The following LAMA3 variants were observed in gnomAD, a reference collection of about 807,000 sequenced individuals.
LAMA3 encodes laminin subunit alpha-3.
Under a neutral mutation model 402.0 loss-of-function variants are expected in LAMA3, and 281 were observed. The ratio of observed to expected loss-of-function variants is 0.70; its 90% CI spans 0.63 to 0.77. LAMA3 has a LOEUF of 0.77. LAMA3 is among the 30% of genes least tolerant of loss of function. The probability of loss-of-function intolerance (pLI) is 0.00; values close to 1 mark genes in which losing one functional copy is unlikely to be tolerated. For missense variants in LAMA3, 3,840 were observed against 4,215.5 expected (o/e 0.91, Z 2.47); for synonymous variants, 1,431 against 1,558.4 (o/e 0.92, Z 1.93).
At chr18:23,844,168 G>A (rs2063763980) in intron 29 of LAMA3, among the ~76,000 whole-genome samples, 1 of 152,198 alleles carries the variant, frequency 6.6e-6, no homozygotes, top group African/African-American at 2.4e-5. Flanking sequence ...TATCATGAGA[G>A]TAATAAGCTC....
chr18:23,713,891 A>C (rs1017901093), intron 1 of LAMA3, 29 bp from the exon 2 acceptor site: 2 of 1,602,992 alleles, frequency 1.2e-6, no homozygotes, highest in Non-Finnish European at 1.7e-6. Flanking sequence ...AAAACAAAAA[A>C]CAAAAAAAAC....
At chr18:23,826,943 A>C in intron 22 of LAMA3, 144 bp downstream of exon 22, 1 of 664,228 alleles carries the variant, frequency 1.5e-6, no homozygotes, top group Admixed American at 2.3e-5. Context: ...TCTATGTCTT[A>C]CTTGTGTTCT....
intron 66 of LAMA3, chr18:23,932,569 C>T: frequency 2.6e-6 from 1 of 385,100 alleles, no homozygotes; most frequent in South Asian, 2.3e-5. Flanking sequence ...GAAAAGTATT[C>T]ACTGGAATTT....
At chr18:23,821,467 T>A (rs1310048759) in intron 19 of LAMA3, among the ~76,000 whole-genome samples, 1 of 152,238 alleles carries the variant, frequency 6.6e-6, no homozygotes, top group Non-Finnish European at 1.5e-5. Context: ...GGGGAAATGC[T>A]AAAAGAACCA....
chr18:23,786,063 C>G (rs993587555), intron 12 of LAMA3, among the ~76,000 whole-genome samples: 1 of 152,104 alleles, frequency 6.6e-6, no homozygotes, highest in Non-Finnish European at 1.5e-5. Flanking sequence ...AGAAATTAAC[C>G]AGTGAAAATA....
chr18:23,757,436 T>G (rs1598731441), intron 6 of LAMA3, among the ~76,000 whole-genome samples: 1 of 145,314 alleles, frequency 6.9e-6, no homozygotes. Context: ...CTCCCCTTCC[T>G]CCTCTCCAGC....
In LAMA3 at chr18:23,836,230, C is replaced by T. The variant is rs1598888148; in HGVS notation, c.2985-751C>T. Among the ~76,000 whole-genome samples, 5 of 152,042 alleles carry T rather than the reference C, an allele frequency of 3.3e-5. 1 individual carries two copies. In the South Asian group the frequency reaches 1.0e-3, roughly 32 times the overall value. On this transcript the variant is annotated intron_variant, in intron 24 of 74. Coordinates refer to ENST00000313654, the MANE Select transcript of LAMA3 (RefSeq NM_198129.4). ...GGGCTTGGCTTTTTATATAACTTATCTCATTTTAATCCTCACCAAAAAGTC... is the reference window on the plus strand; with the variant it reads ...GGGCTTGGCTTTTTATATAACTTATTTCATTTTAATCCTCACCAAAAAGTC...
chr18:23,882,494 C>T (rs200542301), intron 40 of LAMA3, among the ~76,000 whole-genome samples: 1 of 151,794 alleles, frequency 6.6e-6, no homozygotes, highest in African/African-American at 2.4e-5. Context: ...CCTTGTAATC[C>T]AGCTATTCGG....
At position 23,914,410 on chromosome 18, in the gene LAMA3, GC is replaced by G; in HGVS notation, c.7332del (p.Ser2445ProfsTer33). The G allele has an allele frequency of 6.2e-7, 1 of 1,614,000 alleles. No individual in the cohort carries two copies. The highest frequency in any genetic ancestry group is 1.1e-5 in the South Asian group (1 of 91,088). On this transcript the variant is annotated frameshift_variant and splice_region_variant, in exon 57 of 75. Coordinates refer to ENST00000313654, the MANE Select transcript of LAMA3 (RefSeq NM_198129.4). LOFTEE classifies it high-confidence loss of function. The part of the protein sequence containing the change: ...MFVMYLGNKD[A>X]SRDYIGMAVV... ...TTCTGAGGTGGCCCTTTGTCTCCAG[GC>G]CTCCCGGGACTACATCGGCATGGCA...
intron 2 of LAMA3, among the ~76,000 whole-genome samples, chr18:23,718,627 A>G (rs1480826667): frequency 5.3e-5 from 8 of 152,120 alleles, no homozygotes; most frequent in Non-Finnish European, 7.4e-5. Context: ...GCTGCGGGGG[A>G]GTGAGGCCTG....
rs1210611915 is a variant in LAMA3 at position 23,904,494 on chromosome 18, G to T, written c.6474-59G>T. ...AAGAAGAAATGGAAAGGTTTGGGGGGATGTCAGCTGCTGGCAGAGGAAGGC... is the reference window on the plus strand; with the variant it reads ...AAGAAGAAATGGAAAGGTTTGGGGGTATGTCAGCTGCTGGCAGAGGAAGGC... On this transcript the variant is annotated intron_variant, in intron 50 of 74. Transcript: ENST00000313654. 8 of 1,518,150 alleles carry T rather than the reference G, an allele frequency of 5.3e-6. No homozygotes were observed. In the South Asian group the frequency reaches 8.4e-5, roughly 16 times the overall value. The allele number at this position is 1,518,150 out of a possible 1,614,324, so 94.0% of individuals were successfully genotyped here. A position where few individuals can be genotyped will look rare whatever the true frequency, so the allele number is the denominator to read the frequency against.
At chr18:23,846,162 C>A in intron 30 of LAMA3, 135 bp from the exon 31 acceptor site, 1 of 916,628 alleles carries the variant, frequency 1.1e-6, no homozygotes, top group Non-Finnish European at 1.8e-6. Context: ...GGGTATTTCC[C>A]ACTCTTCCCT....
intron 23 of LAMA3, among the ~76,000 whole-genome samples, chr18:23,832,916 TG>T (rs1347421310): frequency 6.6e-6 from 1 of 152,190 alleles, no homozygotes; most frequent in Non-Finnish European, 1.5e-5. Flanking sequence ...ATTTACATAG[TG>T]TTTTTTATAT....
At position 23,861,824 on chromosome 18, in the gene LAMA3, GTTC is replaced by G. The variant is rs1421336257; in HGVS notation, c.4584+22_4584+24del. The G allele has an allele frequency of 1.1e-5, 18 of 1,606,434 alleles. No homozygotes were observed. Among genetic ancestry groups the G allele is most frequent in the Non-Finnish European group, 1.3e-5 (15 of 1,175,988 alleles). On this transcript the variant is annotated intron_variant, in intron 35 of 74. Transcript: ENST00000313654. The stretch of plus-strand genomic sequence containing the variant: ...GGGGACAAGGTAATGATGTCCTGCT[GTTC>G]TTCTGGGCCCTCAGTGGGCCTCTGC...
chr18:23,830,318 C>G (rs898896400), intron 23 of LAMA3, among the ~76,000 whole-genome samples: 1 of 152,128 alleles, frequency 6.6e-6, no homozygotes, highest in Non-Finnish European at 1.5e-5. Flanking sequence ...TCCTCTCTCT[C>G]CCTCAGCTCA....
At chr18:23,813,666 C>T (rs575207338) in intron 14 of LAMA3, among the ~76,000 whole-genome samples, 17 of 151,162 alleles carry the variant, frequency 1.1e-4, no homozygotes, top group African/African-American at 1.5e-4. Context: ...CCTCAGCCTC[C>T]GAGTAACTGG....
intron 32 of LAMA3, among the ~76,000 whole-genome samples, chr18:23,853,397 C>T (rs1386267348): frequency 6.6e-6 from 1 of 152,144 alleles, no homozygotes; most frequent in African/African-American, 2.4e-5. Context: ...CCTCAGCCTG[C>T]CGAGTAGCTG....
chr18:23,933,498 G>T (rs1333108322), intron 66 of LAMA3, among the ~76,000 whole-genome samples: 1 of 152,172 alleles, frequency 6.6e-6, no homozygotes, highest in African/African-American at 2.4e-5. Context: ...TAACTGGAAT[G>T]TGCTTCATTT....
Position 23,689,629 on chromosome 18 carries a change from G to T in LAMA3, c.-55G>T. On this transcript the variant is annotated 5_prime_UTR_variant, in exon 1 of 75. Coordinates refer to ENST00000313654, the MANE Select transcript of LAMA3 (RefSeq NM_198129.4). Reference sequence around the variant, plus strand: ...CCGGGAGGCGCAGGCGGAGAGCGGCGGTGCCCCCGAGCCCCTCTGCGGACG... The same window carrying T: ...CCGGGAGGCGCAGGCGGAGAGCGGCTGTGCCCCCGAGCCCCTCTGCGGACG... 1.6e-6 allele frequency: 2 copies of T among 1,236,230 alleles called. No homozygotes were observed. Among genetic ancestry groups the T allele is most frequent in the Non-Finnish European group, 2.0e-6 (2 of 990,890 alleles). The allele number at this position is 1,236,230 out of a possible 1,614,324, so 76.6% of individuals were successfully genotyped here. A position where few individuals can be genotyped will look rare whatever the true frequency, so the allele number is the denominator to read the frequency against.
Sources: allele counts gnomAD v4.1 joint callset (sites outside exome capture counted in the v4.1 genomes callset), GRCh38; gene constraint gnomAD v4.1.1; transcripts MANE v1.5; gene names NCBI Gene and HGNC (gene_info 2026-07-23, HGNC 2026-07-21).